Variants in ZNRF1 observed in about 807,000 individuals in gnomAD.
ZNRF1 encodes the protein zinc and ring finger 1, also known as E3 ubiquitin-protein ligase ZNRF1.
In ZNRF1, 3 loss-of-function variants were observed where a neutral mutation model predicts 18.4. The observed-to-expected ratio is 0.16, with a 90% CI of 0.07 to 0.42. ZNRF1 has a LOEUF of 0.42. Among genes scored for constraint, ZNRF1 ranks in the 10% least tolerant of loss-of-function variants. The pLI is 0.99. For missense variants in ZNRF1, 310 were observed against 329.8 expected (o/e 0.94, Z 0.47); for synonymous variants, 157 against 144.2 (o/e 1.09, Z -0.64).
At chr16:75,038,357 C>T (rs965532422) in intron 1 of ZNRF1, among the ~76,000 whole-genome samples, 5 of 152,144 alleles carry the variant, frequency 3.3e-5, no homozygotes, top group Non-Finnish European at 5.9e-5. Context: ...CTGTGGCTGT[C>T]TCCCTAGTTG....
intron 1 of ZNRF1, among the ~76,000 whole-genome samples, chr16:75,055,953 A>G (rs1405159843): frequency 6.6e-6 from 1 of 152,222 alleles, no homozygotes; most frequent in Non-Finnish European, 1.5e-5. Flanking sequence ...TTTGCCAACC[A>G]GTGATCCAAG....
At chr16:75,076,630 G>T (rs1033333180) in intron 1 of ZNRF1, among the ~76,000 whole-genome samples, 1 of 146,632 alleles carries the variant, frequency 6.8e-6, no homozygotes. Flanking sequence ...CTCTCTTGGG[G>T]CACAGTTTTC....
chr16:75,008,491 G>A (rs1401520860), intron 1 of ZNRF1, among the ~76,000 whole-genome samples: 3 of 152,192 alleles, frequency 2.0e-5, no homozygotes, highest in African/African-American at 7.2e-5. Context: ...CAGCCAGGCA[G>A]CTAGACAAGT....
At chr16:75,026,641 TAAG>T (rs2035227740) in intron 1 of ZNRF1, among the ~76,000 whole-genome samples, 1 of 152,042 alleles carries the variant, frequency 6.6e-6, no homozygotes. Context: ...TAGTATGTAA[TAAG>T]AATATTTCTG....
At chr16:75,068,386 C>G (rs1475464161) in intron 1 of ZNRF1, among the ~76,000 whole-genome samples, 5 of 151,962 alleles carry the variant, frequency 3.3e-5, no homozygotes, top group African/African-American at 1.2e-4. Context: ...AACCAGTTAA[C>G]CCTGGCCTGG....
At chr16:75,085,748 G>T (rs2036064499) in intron 1 of ZNRF1, among the ~76,000 whole-genome samples, 1 of 150,426 alleles carries the variant, frequency 6.6e-6, no homozygotes, top group African/African-American at 2.5e-5. Context: ...TTAATAGACA[G>T]ATTTATTGGT....
intron 1 of ZNRF1, among the ~76,000 whole-genome samples, chr16:75,042,583 A>T (rs933325653): frequency 6.6e-6 from 1 of 151,686 alleles, no homozygotes; most frequent in Admixed American, 6.6e-5. Context: ...TCGGCTTTCA[A>T]TTCTGTTCCA....
chr16:75,069,602 TG>T (rs2035845974), intron 1 of ZNRF1, among the ~76,000 whole-genome samples: 1 of 152,182 alleles, frequency 6.6e-6, no homozygotes. Flanking sequence ...TTAGTAGAGA[TG>T]GGGTTTTGCC....
intron 1 of ZNRF1, among the ~76,000 whole-genome samples, chr16:75,066,335 A>T (rs1319478711): frequency 1.3e-5 from 2 of 152,212 alleles, no homozygotes; most frequent in African/African-American, 4.8e-5. Context: ...AGACCCTGTT[A>T]CATCAGTAGA....
At chr16:75,086,479 G>A (rs2036075521) in intron 1 of ZNRF1, among the ~76,000 whole-genome samples, 1 of 152,192 alleles carries the variant, frequency 6.6e-6, no homozygotes, top group South Asian at 2.1e-4. Context: ...AGGAGAGACT[G>A]ACTCACACCT....
intron 1 of ZNRF1, among the ~76,000 whole-genome samples, chr16:75,002,641 G>A (rs962029610): frequency 4.6e-5 from 7 of 152,212 alleles, no homozygotes; most frequent in Non-Finnish European, 7.3e-5. Flanking sequence ...CCTCTGAGCA[G>A]CTGTGACCTT....
At chr16:75,068,109 T>C (rs753528460) in intron 1 of ZNRF1, among the ~76,000 whole-genome samples, 2 of 150,326 alleles carry the variant, frequency 1.3e-5, no homozygotes, top group East Asian at 1.9e-4. Context: ...ATCCAAGCAT[T>C]TGGGGAGGCT....
At chr16:75,058,192 C>G (rs960567737) in intron 1 of ZNRF1, among the ~76,000 whole-genome samples, 3 of 150,074 alleles carry the variant, frequency 2.0e-5, no homozygotes, top group Non-Finnish European at 2.9e-5. Flanking sequence ...AGGCTGATCT[C>G]GAACTCCTGG....
intron 1 of ZNRF1, among the ~76,000 whole-genome samples, chr16:75,061,360 A>T (rs1345542591): frequency 6.6e-6 from 1 of 151,744 alleles, no homozygotes; most frequent in Non-Finnish European, 1.5e-5. Context: ...CCATGAATTC[A>T]ATTGTTTTGG....
intron 1 of ZNRF1, among the ~76,000 whole-genome samples, chr16:75,022,081 G>A (rs552772484): frequency 2.6e-5 from 4 of 152,074 alleles, no homozygotes; most frequent in Admixed American, 6.6e-5. Context: ...CCATCCATCC[G>A]TCTCGCTCTG....
chr16:75,088,023 A>G (rs1202608912), intron 1 of ZNRF1, among the ~76,000 whole-genome samples: 3 of 152,234 alleles, frequency 2.0e-5, no homozygotes, highest in African/African-American at 7.2e-5. Flanking sequence ...AGGAAGTTTG[A>G]CAAAATCATG....
intron 1 of ZNRF1, among the ~76,000 whole-genome samples, chr16:75,032,871 G>A (rs1450834080): frequency 1.3e-5 from 2 of 152,094 alleles, no homozygotes; most frequent in Non-Finnish European, 2.9e-5. Context: ...AAATTAGTTG[G>A]GCATGGTGGT....
chr16:75,021,439 C>A (rs939004215), intron 1 of ZNRF1, among the ~76,000 whole-genome samples: 4 of 152,296 alleles, frequency 2.6e-5, no homozygotes, highest in Admixed American at 6.5e-5. Context: ...TTTTTGCCTT[C>A]CCTTCCTTCT....
intron 1 of ZNRF1, among the ~76,000 whole-genome samples, chr16:75,029,013 C>G (rs1406351228): frequency 6.7e-6 from 1 of 150,030 alleles, no homozygotes; most frequent in African/African-American, 2.4e-5. Flanking sequence ...TTGGTGAAGT[C>G]ATTAATATTA....
Sources: allele counts gnomAD v4.1 joint callset (sites outside exome capture counted in the v4.1 genomes callset), GRCh38; gene constraint gnomAD v4.1.1; transcripts MANE v1.5; gene names NCBI Gene and HGNC (gene_info 2026-07-23, HGNC 2026-07-21).